AHCYL2: variants seen among roughly 807,000 people sequenced by gnomAD.
The protein encoded by AHCYL2 is S-adenosylhomocysteine hydrolase-like protein 2.
Under a neutral mutation model 81.4 loss-of-function variants are expected in AHCYL2, and 28 were observed. The observed-to-expected ratio is 0.34, with a 90% CI of 0.25 to 0.47. The LOEUF (loss-of-function observed/expected upper bound fraction) is 0.47, where lower values mean the gene tolerates loss of function less well. Among genes scored for constraint, AHCYL2 ranks in the 20% least tolerant of loss-of-function variants. The pLI is 1.00. For missense variants in AHCYL2, 551 were observed against 785.1 expected (o/e 0.70, Z 3.56); for synonymous variants, 272 against 290.2 (o/e 0.94, Z 0.64).
At chr7:129,314,782 T>TA (rs1797775978) in intron 1 of AHCYL2, among the ~76,000 whole-genome samples, 1 of 152,130 alleles carries the variant, frequency 6.6e-6, no homozygotes, top group Non-Finnish European at 1.5e-5. Context: ...TGAATTGAAA[T>TA]AGAGAACGTA....
chr7:129,275,919 C>T (rs1251342534), intron 1 of AHCYL2, among the ~76,000 whole-genome samples: 1 of 151,992 alleles, frequency 6.6e-6, no homozygotes, highest in Non-Finnish European at 1.5e-5. Context: ...AAGCCCCACG[C>T]TTAATAGATG....
intron 1 of AHCYL2, among the ~76,000 whole-genome samples, chr7:129,370,167 A>G (rs148355030): frequency 9.7e-4 from 148 of 152,292 alleles, no homozygotes; most frequent in African/African-American, 3.4e-3. Context: ...TTTCTGTCAT[A>G]GTCCTCACCG....
intron 1 of AHCYL2, among the ~76,000 whole-genome samples, chr7:129,279,963 C>T (rs996247502): frequency 1.3e-5 from 2 of 152,102 alleles, no homozygotes; most frequent in South Asian, 2.1e-4. Context: ...TCTTAGTTAC[C>T]TGTGTCTTGT....
intron 1 of AHCYL2, among the ~76,000 whole-genome samples, chr7:129,277,488 C>G (rs1227882982): frequency 6.6e-6 from 1 of 152,042 alleles, no homozygotes; most frequent in Non-Finnish European, 1.5e-5. Context: ...CCATGTTGCC[C>G]AGGCTGGTCT....
intron 1 of AHCYL2, among the ~76,000 whole-genome samples, chr7:129,333,058 TAG>T (rs1798475958): frequency 6.6e-6 from 1 of 152,218 alleles, no homozygotes; most frequent in African/African-American, 2.4e-5. Context: ...GTGGAATTAA[TAG>T]AGTCTAAGCT....
At chr7:129,339,868 T>C (rs1793100351) in intron 1 of AHCYL2, among the ~76,000 whole-genome samples, 1 of 150,592 alleles carries the variant, frequency 6.6e-6, no homozygotes, top group South Asian at 2.1e-4. Flanking sequence ...AGGAGTACAC[T>C]GTTATCCAGT....
intron 1 of AHCYL2, among the ~76,000 whole-genome samples, chr7:129,280,969 T>C (rs1796420905): frequency 6.6e-6 from 1 of 150,436 alleles, no homozygotes; most frequent in Non-Finnish European, 1.5e-5. Flanking sequence ...GTTCAAGTGA[T>C]TCTCCTACCT....
chr7:129,323,355 T>A (rs1798106241), intron 1 of AHCYL2, among the ~76,000 whole-genome samples: 1 of 152,196 alleles, frequency 6.6e-6, no homozygotes, highest in African/African-American at 2.4e-5. Context: ...AATTTCAAAA[T>A]ATTTGAGGGA....
chr7:129,254,147 A>G (rs1421915438), intron 1 of AHCYL2, among the ~76,000 whole-genome samples: 1 of 152,226 alleles, frequency 6.6e-6, no homozygotes, highest in Non-Finnish European at 1.5e-5. Context: ...AACTGGATTC[A>G]TAGTGGAAGT....
At chr7:129,285,638 TC>T (rs1386429071) in intron 1 of AHCYL2, among the ~76,000 whole-genome samples, 1 of 151,996 alleles carries the variant, frequency 6.6e-6, no homozygotes, top group Non-Finnish European at 1.5e-5. Flanking sequence ...TGATTAAAGT[TC>T]TTCATGTCCT....
At chr7:129,397,447 C>T in intron 5 of AHCYL2, 123 bp downstream of exon 5, 3 of 969,240 alleles carry the variant, frequency 3.1e-6, no homozygotes, top group South Asian at 1.6e-5. Context: ...AAATGGATCT[C>T]GATTCTTCAT....
Position 129,346,841 on chromosome 7 carries a change from T to C in AHCYL2, c.364-32797T>C, listed in dbSNP as rs116810572. 3.3e-5 allele frequency among the ~76,000 whole-genome samples: 5 copies of C among 152,344 alleles called. No homozygotes were observed. The East Asian group carries it at 9.6e-4, about 29-fold the overall frequency. On this transcript the variant is annotated intron_variant, in intron 1 of 16. Coordinates refer to ENST00000325006, the MANE Select transcript of AHCYL2 (RefSeq NM_015328.4). ...ACAAAAACCTGCTCACAGGTGTTTA[T>C]AGCAGCTTTATTTATAATTGCCGAA...
At chr7:129,350,894 G>C (rs1453959088) in intron 1 of AHCYL2, among the ~76,000 whole-genome samples, 1 of 151,644 alleles carries the variant, frequency 6.6e-6, no homozygotes, top group Non-Finnish European at 1.5e-5. Context: ...AGTAGAGACA[G>C]GGTTTCACCA....
chr7:129,399,276 G>A (rs964184487), intron 5 of AHCYL2, among the ~76,000 whole-genome samples: 10 of 151,200 alleles, frequency 6.6e-5, no homozygotes, highest in African/African-American at 1.9e-4. Flanking sequence ...GTGAAACCCC[G>A]TCTTTACTAA....
At chr7:129,273,746 G>A (rs1307617367) in intron 1 of AHCYL2, among the ~76,000 whole-genome samples, 1 of 152,148 alleles carries the variant, frequency 6.6e-6, no homozygotes, top group Admixed American at 6.6e-5. Flanking sequence ...GGCTTCTAGG[G>A]ATCTTAAGTG....
At chr7:129,334,316 T>A (rs1221721796) in intron 1 of AHCYL2, among the ~76,000 whole-genome samples, 1 of 152,128 alleles carries the variant, frequency 6.6e-6, no homozygotes, top group East Asian at 1.9e-4. Context: ...GTCCTCTCTA[T>A]TTTGTTTTTC....
chr7:129,417,981 G>A (rs1310636393), intron 12 of AHCYL2, among the ~76,000 whole-genome samples: 2 of 152,184 alleles, frequency 1.3e-5, no homozygotes, highest in Non-Finnish European at 2.9e-5. Flanking sequence ...AAGTCTCTTT[G>A]AGGAGATAAC....
Position 129,368,195 on chromosome 7 carries a change from T to C in AHCYL2, c.364-11443T>C. ...TGCGGGTAGAGTGTTTGGGTAGCATTAAAACAGTGAGTGCCCTGTGAGAAG... is the reference window on the plus strand; with the variant it reads ...TGCGGGTAGAGTGTTTGGGTAGCATCAAAACAGTGAGTGCCCTGTGAGAAG... On this transcript the variant is annotated intron_variant, in intron 1 of 16. Coordinates refer to ENST00000325006, the MANE Select transcript of AHCYL2 (RefSeq NM_015328.4). This position sits in a 1 kb window ranked among gnomAD's most constrained non-coding sequence, Gnocchi z 4.4. The C allele has an allele frequency of 1.5e-5, 18 of 1,219,884 alleles. No homozygotes were observed. Among genetic ancestry groups the C allele is most frequent in the Non-Finnish European group, 1.8e-5 (18 of 973,828 alleles). 75.6% of individuals were successfully genotyped at this position (1,219,884 alleles called of 1,614,324 possible).
chr7:129,235,037 A>G (rs1794592400), intron 1 of AHCYL2, among the ~76,000 whole-genome samples: 1 of 152,114 alleles, frequency 6.6e-6, no homozygotes, highest in Non-Finnish European at 1.5e-5. Context: ...CTCCTGCTAT[A>G]ATATTCTGTT....
Sources: allele counts gnomAD v4.1 joint callset (sites outside exome capture counted in the v4.1 genomes callset), GRCh38; gene constraint gnomAD v4.1.1; non-coding constraint Gnocchi (gnomAD v3.1); transcripts MANE v1.5; gene names NCBI Gene and HGNC (gene_info 2026-07-23, HGNC 2026-07-21).